Variants in CPQ observed in about 807,000 individuals in gnomAD.
CPQ encodes carboxypeptidase Q.
CPQ carries 37 observed loss-of-function variants against 45.7 expected under a neutral mutation model. The ratio of observed to expected loss-of-function variants is 0.81; its 90% confidence interval spans 0.62 to 1.07. The LOEUF is 1.07. CPQ is among the 50% of genes least tolerant of loss of function. CPQ has a pLI of 0.00. For synonymous variants in CPQ, 186 were observed against 205.8 expected (o/e 0.90, Z 0.82); for missense variants, 537 against 572.9 (o/e 0.94, Z 0.64).
At chr8:96,838,601 C>G (rs1811562451) in intron 3 of CPQ, among the ~76,000 whole-genome samples, 1 of 152,028 alleles carries the variant, frequency 6.6e-6, no homozygotes, top group Non-Finnish European at 1.5e-5. Context: ...ACTGCCCAGT[C>G]TGCCCCAATT....
At chr8:96,666,578 CAGAACATG>C (rs1808927867) in intron 1 of CPQ, among the ~76,000 whole-genome samples, 1 of 152,000 alleles carries the variant, frequency 6.6e-6, no homozygotes, top group South Asian at 2.1e-4. Flanking sequence ...AAAATAAAGC[CAGAACATG>C]GGAAAGTATG....
intron 4 of CPQ, among the ~76,000 whole-genome samples, chr8:96,949,810 G>C (rs758593293): frequency 4.6e-5 from 7 of 152,174 alleles, no homozygotes; most frequent in Non-Finnish European, 7.4e-5. Flanking sequence ...AGCAGTCAGT[G>C]CTGGCTTCTA....
intron 6 of CPQ, among the ~76,000 whole-genome samples, chr8:97,052,361 G>A (rs1013019097): frequency 6.6e-6 from 1 of 151,742 alleles, no homozygotes; most frequent in African/African-American, 2.4e-5. Flanking sequence ...TCCTCATCTT[G>A]CCTGAATATT....
chr8:96,788,119 G>A (rs557974018), intron 2 of CPQ, among the ~76,000 whole-genome samples: 12 of 140,348 alleles, frequency 8.6e-5, no homozygotes, highest in South Asian at 4.5e-4. Flanking sequence ...ATACATTATC[G>A]ATCCCATTGC....
intron 1 of CPQ, among the ~76,000 whole-genome samples, chr8:96,776,193 T>C (rs931427444): frequency 6.6e-6 from 1 of 152,160 alleles, no homozygotes; most frequent in East Asian, 1.9e-4. Flanking sequence ...CTTAAGATAC[T>C]TAAAGGGCTA....
chr8:96,735,781 G>A (rs1259206340), intron 1 of CPQ, among the ~76,000 whole-genome samples: 1 of 152,090 alleles, frequency 6.6e-6, no homozygotes, highest in Non-Finnish European at 1.5e-5. Context: ...TCTTTCAGGT[G>A]CCTGCCCAAT....
At chr8:96,755,854 A>G (rs1810320526) in intron 1 of CPQ, among the ~76,000 whole-genome samples, 1 of 152,028 alleles carries the variant, frequency 6.6e-6, no homozygotes, top group African/African-American at 2.4e-5. Context: ...CAAGCATAAA[A>G]GCAAACTCTG....
At chr8:96,688,854 A>G (rs1222838184) in intron 1 of CPQ, among the ~76,000 whole-genome samples, 2 of 152,168 alleles carry the variant, frequency 1.3e-5, no homozygotes, top group East Asian at 3.8e-4. Flanking sequence ...TACCTTAATA[A>G]TAATGTTAAT....
At chr8:96,890,637 G>A (rs147048082) in intron 4 of CPQ, among the ~76,000 whole-genome samples, 5 of 152,184 alleles carry the variant, frequency 3.3e-5, no homozygotes, top group East Asian at 3.9e-4. Context: ...CAGTTGCCCC[G>A]GCCAACACTG....
intron 4 of CPQ, among the ~76,000 whole-genome samples, chr8:96,922,791 C>T (rs1160406342): frequency 1.3e-5 from 2 of 152,154 alleles, no homozygotes; most frequent in Non-Finnish European, 1.5e-5. Context: ...AATGCAGAAA[C>T]TCCTCTCAAG....
rs570828991 is a variant in CPQ at position 96,707,996 on chromosome 8, G to A, written c.-35+62594G>A. ...GTTCTCACTGGGCTAAAATCAAGGT[G>A]CCCTCAGGGCTGCTTTATTTTCTGG... On this transcript the variant is annotated intron_variant, in intron 1 of 7. Coordinates refer to ENST00000220763, the MANE Select transcript of CPQ (RefSeq NM_016134.4). Among the ~76,000 whole-genome samples the A allele has an allele frequency of 4.6e-4, 70 of 152,246 alleles. 1 individual carries two copies. The highest frequency in any genetic ancestry group is 1.6e-3 in the African/African-American group (68 of 41,548).
At chr8:96,727,498 A>T (rs1480964822) in intron 1 of CPQ, among the ~76,000 whole-genome samples, 2 of 152,212 alleles carry the variant, frequency 1.3e-5, no homozygotes, top group Non-Finnish European at 2.9e-5. Flanking sequence ...GTTCTGTGGC[A>T]GTACCACCTT....
Position 96,746,771 on chromosome 8 carries a change from A to G in CPQ, c.-34-38093A>G, listed in dbSNP as rs546280611. ...GAAAGCAATTTCACAAGTGTTTCCT[A>G]TAGTATTGCTCTGATGTGGATAGGA... On this transcript the variant is annotated intron_variant, in intron 1 of 7. Coordinates refer to ENST00000220763, the MANE Select transcript of CPQ (RefSeq NM_016134.4). 2.6e-5 allele frequency among the ~76,000 whole-genome samples: 4 copies of G among 152,266 alleles called. No individual in the cohort carries two copies. The East Asian group carries it at 7.7e-4, about 29-fold the overall frequency.
intron 7 of CPQ, among the ~76,000 whole-genome samples, chr8:97,073,994 A>C (rs538175103): frequency 9.8e-5 from 15 of 152,318 alleles, no homozygotes; most frequent in African/African-American, 3.6e-4. Context: ...GATCTGCTTC[A>C]GCTCAAACAG....
At chr8:96,981,482 G>A (rs1813894800) in intron 5 of CPQ, among the ~76,000 whole-genome samples, 1 of 152,068 alleles carries the variant, frequency 6.6e-6, no homozygotes, top group African/African-American at 2.4e-5. Flanking sequence ...TTAGAATAAA[G>A]AAATATTTTA....
At chr8:96,836,929 T>C (rs1024876602) in intron 3 of CPQ, among the ~76,000 whole-genome samples, 3 of 152,188 alleles carry the variant, frequency 2.0e-5, no homozygotes, top group African/African-American at 7.2e-5. Flanking sequence ...GTTTCACTGA[T>C]TTTATAGCCA....
At chr8:96,788,650 T>C (rs1289448898) in intron 2 of CPQ, among the ~76,000 whole-genome samples, 1 of 152,128 alleles carries the variant, frequency 6.6e-6, no homozygotes, top group Non-Finnish European at 1.5e-5. Flanking sequence ...TTTTCTTGCA[T>C]GTGTAGATTG....
At chr8:96,866,984 A>G (rs556603622) in intron 3 of CPQ, among the ~76,000 whole-genome samples, 6 of 152,240 alleles carry the variant, frequency 3.9e-5, no homozygotes, top group East Asian at 1.9e-4. Context: ...ACCAGATGAA[A>G]GTATTTTACA....
rs539301915 is a variant in CPQ, at chr8:97,063,332, T to C, written c.1054-2677T>C. The stretch of plus-strand genomic sequence containing the variant: ...GCCCACTTTTTAATGGGGTTGTTTT[T>C]CTCTTGTAAATTTGTTTAAGTTCCT... On this transcript the variant is annotated intron_variant, in intron 6 of 7. Coordinates refer to ENST00000220763, the MANE Select transcript of CPQ (RefSeq NM_016134.4). 5.5e-4 allele frequency among the ~76,000 whole-genome samples: 84 copies of C among 152,304 alleles called. 1 individual carries two copies. The highest frequency in any genetic ancestry group is 2.0e-3 in the African/African-American group (82 of 41,576).
Sources: allele counts gnomAD v4.1 joint callset (sites outside exome capture counted in the v4.1 genomes callset), GRCh38; gene constraint gnomAD v4.1.1; transcripts MANE v1.5; gene names NCBI Gene and HGNC (gene_info 2026-07-23, HGNC 2026-07-21).